The following AFAP1 variants were observed in gnomAD, a reference collection of about 807,000 sequenced individuals.
AFAP1 encodes actin filament associated protein 1, also known as actin filament-associated protein 1.
In AFAP1, 75 loss-of-function variants were observed where a neutral mutation model predicts 93.9. The observed-to-expected ratio is 0.80, with a 90% CI of 0.66 to 0.97. AFAP1 has a LOEUF of 0.97. AFAP1 is among the 50% of genes least tolerant of loss of function. The probability of loss-of-function intolerance (pLI) is 0.00; values close to 1 mark genes in which losing one functional copy is unlikely to be tolerated. For synonymous variants in AFAP1, 517 were observed against 430.7 expected, an observed-to-expected ratio of 1.20 and a Z score of -2.48; for missense variants, 1,201 against 1,050.8, an observed-to-expected ratio of 1.14 and a Z score of -1.98.
intron 1 of AFAP1, among the ~76,000 whole-genome samples, chr4:7,899,518 C>T (rs1347964922): frequency 6.6e-6 from 1 of 152,180 alleles, no homozygotes; most frequent in African/African-American, 2.4e-5. Context: ...AACTTCTTTA[C>T]CCTACTAAAG....
chr4:7,863,744 A>T (rs1172092435), intron 3 of AFAP1, among the ~76,000 whole-genome samples: 1 of 152,124 alleles, frequency 6.6e-6, no homozygotes, highest in Non-Finnish European at 1.5e-5. Flanking sequence ...ATTAGACACT[A>T]AAAAGGATAA....
intron 3 of AFAP1, among the ~76,000 whole-genome samples, chr4:7,860,234 C>T (rs1715520733): frequency 6.6e-6 from 1 of 152,078 alleles, no homozygotes; most frequent in South Asian, 2.1e-4. Flanking sequence ...CTGCAAAATG[C>T]TTGGGACCAG....
intron 12 of AFAP1, 148 bp from the exon 13 acceptor site, chr4:7,781,775 A>T: frequency 9.6e-7 from 1 of 1,043,788 alleles, no homozygotes; most frequent in Non-Finnish European, 1.4e-6. Context: ...GTTGTTATCA[A>T]TAAGGCATGC....
intron 10 of AFAP1, among the ~76,000 whole-genome samples, chr4:7,798,140 TTGGCTGGCTCACGGCACTGCAACTCTAC>T (rs1560164905): frequency 5.5e-5 from 4 of 72,122 alleles, no homozygotes; most frequent in Admixed American, 1.4e-4. Context: ...TGCAACTCTA[TTGGCTGGCTCACGGCACTGCAACTCTAC>T]TGGCTGGCTC....
chr4:7,806,968 G>A (rs745919554), intron 9 of AFAP1, among the ~76,000 whole-genome samples: 5 of 152,128 alleles, frequency 3.3e-5, no homozygotes, highest in Non-Finnish European at 7.4e-5. Flanking sequence ...GATCTTTCGG[G>A]GGAAGGGATA....
intron 1 of AFAP1, among the ~76,000 whole-genome samples, chr4:7,932,303 A>G (rs1480187758): frequency 6.6e-6 from 1 of 152,224 alleles, no homozygotes; most frequent in African/African-American, 2.4e-5. Context: ...GGTGACCACC[A>G]TCAGTTGTTT....
In AFAP1 at chr4:7,759,616, A is replaced by T. The variant is rs1713498793; in HGVS notation, c.*4149T>A. Reference sequence around the variant, plus strand: ...CAAACTATGTCATGAACTTGAAGTGACTGTTCCCATTAGAAAATCATTTTA... The same window carrying T: ...CAAACTATGTCATGAACTTGAAGTGTCTGTTCCCATTAGAAAATCATTTTA... On this transcript the variant is annotated 3_prime_UTR_variant, in exon 18 of 18. Coordinates refer to ENST00000420658, the MANE Select transcript of AFAP1 (RefSeq NM_001134647.2). The T allele has an allele frequency of 6.5e-6, 1 of 152,722 alleles. No homozygotes were observed. The highest frequency in any genetic ancestry group is 2.4e-5 in the African/African-American group (1 of 41,466). 9.5% of individuals were successfully genotyped at this position (152,722 alleles called of 1,614,324 possible).
At chr4:7,810,596 C>T (rs537987798) in intron 8 of AFAP1, among the ~76,000 whole-genome samples, 2 of 152,348 alleles carry the variant, frequency 1.3e-5, no homozygotes, top group South Asian at 4.1e-4. Context: ...GACCAGGGGC[C>T]TGCCTTCCAG....
In AFAP1 at chr4:7,855,469, A is replaced by T. The variant is rs2149141924; in HGVS notation, c.331T>A (p.Ser111Thr). 1 of 1,602,396 alleles carries T rather than the reference A, an allele frequency of 6.2e-7. No individual in the cohort carries two copies. The highest frequency in any genetic ancestry group is 8.5e-7 in the Non-Finnish European group (1 of 1,172,016). Reference protein sequence around the residue: ...SPGKAPEYITSNYDSDAMSSS... With the variant: ...SPGKAPEYITTNYDSDAMSSS... ...CTGGGCAGGGCTGGCCACTCACTTG[A>T]TGTGATGTATTCCGGAGCTTTTCCG... The change falls in exon 4 of 18, where the codon TCA (serine) becomes ACA (threonine). Residue 111 changes from serine (S) to threonine (T), a missense_variant. Physicochemically the swap from Ser to Thr is moderately conservative, Grantham distance 58. Transcript: ENST00000420658.
rs1380580845 is a variant in AFAP1 at position 7,761,017 on chromosome 4, G to C, written c.*2748C>G. On this transcript the variant is annotated 3_prime_UTR_variant, in exon 18 of 18. Coordinates refer to ENST00000420658, the MANE Select transcript of AFAP1 (RefSeq NM_001134647.2). ...TCAGCCTGGCTTCGTTATGAAATCA[G>C]ACACACTCGCAGCTGCCACAGAGGC... The C allele has an allele frequency of 6.6e-6, 1 of 152,246 alleles. No individual in the cohort carries two copies. The highest frequency in any genetic ancestry group is 1.5e-5 in the Non-Finnish European group (1 of 68,040). 9.4% of individuals were successfully genotyped at this position (152,246 alleles called of 1,614,324 possible).
At chr4:7,780,523 G>A (rs1716650029) in intron 13 of AFAP1, among the ~76,000 whole-genome samples, 1 of 152,200 alleles carries the variant, frequency 6.6e-6, no homozygotes, top group African/African-American at 2.4e-5. Flanking sequence ...GGTTAAATAT[G>A]CATGATAAGC....
At chr4:7,829,660 A>G (rs1227546192) in intron 6 of AFAP1, among the ~76,000 whole-genome samples, 2 of 152,236 alleles carry the variant, frequency 1.3e-5, no homozygotes, top group Non-Finnish European at 2.9e-5. Context: ...TTACAACTAG[A>G]CTGAGATACC....
chr4:7,821,994 A>G (rs1354221715), intron 6 of AFAP1, among the ~76,000 whole-genome samples: 3 of 152,214 alleles, frequency 2.0e-5, no homozygotes, highest in Non-Finnish European at 2.9e-5. Flanking sequence ...CTGAACCTCA[A>G]TGCAGTGATC....
intron 1 of AFAP1, among the ~76,000 whole-genome samples, chr4:7,888,193 T>C (rs1362142329): frequency 1.3e-5 from 2 of 152,258 alleles, no homozygotes; most frequent in African/African-American, 4.8e-5. Flanking sequence ...TTTTCAAAAA[T>C]GAAATTGTGA....
intron 3 of AFAP1, among the ~76,000 whole-genome samples, chr4:7,866,094 A>C (rs1716367918): frequency 6.6e-6 from 1 of 151,890 alleles, no homozygotes; most frequent in Non-Finnish European, 1.5e-5. Flanking sequence ...CGGGGGTTTC[A>C]CCATGGTGGC....
At chr4:7,838,295 G>T (rs1712554711) in intron 6 of AFAP1, among the ~76,000 whole-genome samples, 2 of 152,178 alleles carry the variant, frequency 1.3e-5, no homozygotes, top group Non-Finnish European at 2.9e-5. Context: ...AGTCGTCGAA[G>T]CAGCCTACAA....
chr4:7,812,945 CAG>C (rs1720178771), intron 8 of AFAP1, among the ~76,000 whole-genome samples: 1 of 152,188 alleles, frequency 6.6e-6, no homozygotes, highest in South Asian at 2.1e-4. Context: ...AGCCCCCAAA[CAG>C]AAGGTCCCAG....
chr4:7,822,586 C>CTTTTTTTTTT (rs5855982), intron 6 of AFAP1, among the ~76,000 whole-genome samples: 4 of 132,572 alleles, frequency 3.0e-5, no homozygotes, highest in South Asian at 2.4e-4. Context: ...TTTCTTTTTT[C>CTTTTTTTTTT]TTTTTTTTTT....
rs1326334970 is a variant in AFAP1, at chr4:7,762,841, C to T, written c.*924G>A. The T allele has an allele frequency of 6.6e-6, 1 of 152,248 alleles. No individual in the cohort carries two copies. Among genetic ancestry groups the T allele is most frequent in the Non-Finnish European group, 1.5e-5 (1 of 68,084 alleles). 9.4% of individuals were successfully genotyped at this position (152,248 alleles called of 1,614,324 possible). ...TTCAAAGGACTGCCCTGGCCCCAAGCAGCAGTAAACGTCCTGTACAGCGGC... is the reference window on the plus strand; with the variant it reads ...TTCAAAGGACTGCCCTGGCCCCAAGTAGCAGTAAACGTCCTGTACAGCGGC... On this transcript the variant is annotated 3_prime_UTR_variant, in exon 18 of 18. Coordinates refer to ENST00000420658, the MANE Select transcript of AFAP1 (RefSeq NM_001134647.2).
Sources: allele counts gnomAD v4.1 joint callset (sites outside exome capture counted in the v4.1 genomes callset), GRCh38; gene constraint gnomAD v4.1.1; transcripts MANE v1.5; gene names NCBI Gene and HGNC (gene_info 2026-07-23, HGNC 2026-07-21).